Variants in KCNJ13 observed in about 807,000 individuals in gnomAD.
KCNJ13 encodes inward rectifier potassium channel 13.
In KCNJ13, 9 loss-of-function variants were observed where a neutral mutation model predicts 24.6. The observed-to-expected ratio is 0.37, with a 90% CI of 0.22 to 0.64. The LOEUF (loss-of-function observed/expected upper bound fraction) is 0.64. Ranked by LOEUF, KCNJ13 falls within the 30% of genes least tolerant of loss-of-function variation. The pLI, the probability that KCNJ13 is intolerant of heterozygous loss-of-function variation, is 0.64. For missense variants in KCNJ13, 337 were observed against 443.8 expected (o/e 0.76, Z 2.16); for synonymous variants, 148 against 154.7 (o/e 0.96, Z 0.32).
rs1018692317 is a variant in KCNJ13, at chr2:232,774,749, G to C, written c.-17+1696C>G. Among the ~76,000 whole-genome samples the C allele has an allele frequency of 4.6e-4, 70 of 152,132 alleles. 4 individuals carry two copies. Among genetic ancestry groups the C allele is most frequent in the Non-Finnish European group, 7.4e-5 (5 of 68,026 alleles). On this transcript the variant is annotated intron_variant, in intron 1 of 2. Transcript: ENST00000233826. The stretch of plus-strand genomic sequence containing the variant: ...CCACATTTGGAGCCACTGTCCTACT[G>C]AATGCTGCTAAGTGCTTAGTGTTTC...
Position 232,771,193 on chromosome 2 carries a change from A to G in KCNJ13, c.170T>C (p.Met57Thr), listed in dbSNP as rs1413398896. 1 of 1,613,638 alleles carries G rather than the reference A, an allele frequency of 6.2e-7. No individual in the cohort carries two copies. Among genetic ancestry groups the G allele is most frequent in the Non-Finnish European group, 8.5e-7 (1 of 1,179,588 alleles). ...AACAAAAGAAGCAGAAAAGACCAAC[A>G]TCATCCAACGCCAGCGCATGTCCAT... The part of the protein sequence containing the change: ...ILMDMRWRWM[M>T]LVFSASFVVH... Residue 57 changes from methionine (M) to threonine (T), a missense_variant, in exon 2 of 3, where the codon ATG becomes ACG. This residue lies in a region of KCNJ13 where 101 missense variants were observed against 139.2 expected (regional missense o/e 0.73). Transcript: ENST00000233826.
chr2:232,770,084 A>C (rs1271928770), intron 2 of KCNJ13, among the ~76,000 whole-genome samples: 1 of 152,206 alleles, frequency 6.6e-6, no homozygotes, highest in African/African-American at 2.4e-5. Context: ...TTGTATGCAA[A>C]GGACTGACCC....
intron 1 of KCNJ13, among the ~76,000 whole-genome samples, chr2:232,774,713 T>C (rs1699439166): frequency 6.6e-6 from 1 of 152,194 alleles, no homozygotes; most frequent in African/African-American, 2.4e-5. Flanking sequence ...TCCTGGACAC[T>C]AGTGCTTGTT....
Position 232,768,687 on chromosome 2 carries a change from G to A in KCNJ13, c.587C>T (p.Pro196Leu). 6.2e-7 allele frequency: 1 copy of A among 1,608,110 alleles called. No homozygotes were observed. Among genetic ancestry groups the A allele is most frequent in the Non-Finnish European group, 8.5e-7 (1 of 1,175,234 alleles). The change falls in exon 3 of 3, where the codon CCT (proline) becomes CTT (leucine). Residue 196 changes from proline to leucine, a missense_variant. By Grantham distance (98) the Pro-to-Leu change is moderately conservative. Around this residue, in one of 3 missense-constraint regions of KCNJ13, gnomAD observed 235 missense variants for 286.9 expected, o/e 0.82. Transcript: ENST00000233826. Reference sequence around the variant, plus strand: ...GACCCGGACACTGGTTAGAGGGCTAGGTCGGGTGTTGGCCACTTGGAAGAT... The same window carrying A: ...GACCCGGACACTGGTTAGAGGGCTAAGTCGGGTGTTGGCCACTTGGAAGAT... ...NLIFQVANTR[P>L]SPLTSVRVSA... is the part of the protein sequence containing the mutation.
chr2:232,767,747 AG>A lies in KCNJ13; in HGVS notation c.*443del. 1 of 171,792 alleles carries A rather than the reference AG, an allele frequency of 5.8e-6. No homozygotes were observed. Among genetic ancestry groups the A allele is most frequent in the East Asian group, 1.6e-4 (1 of 6,110 alleles). The allele number at this position is 171,792 out of a possible 1,614,324, so 10.6% of individuals were successfully genotyped here. On this transcript the variant is annotated 3_prime_UTR_variant, in exon 3 of 3. Transcript: ENST00000233826. ...TCTTGAAAAAAATCCCAGCTCTTAA[AG>A]GATATTCACTAAGTATAGTGAAGTC...
chr2:232,772,161 A>T (rs1374039981), intron 1 of KCNJ13, among the ~76,000 whole-genome samples: 1 of 152,084 alleles, frequency 6.6e-6, no homozygotes, highest in Admixed American at 6.6e-5. Context: ...CCATCTTCCC[A>T]CTTCAGCCTT....
intron 1 of KCNJ13, among the ~76,000 whole-genome samples, chr2:232,773,327 G>A (rs994746667): frequency 6.6e-5 from 10 of 152,214 alleles, no homozygotes; most frequent in African/African-American, 2.2e-4. Context: ...TAATTCTTCA[G>A]TATCTCAACA....
In KCNJ13 at chr2:232,768,168, A is replaced by G. The variant is rs778392451; in HGVS notation, c.*23T>C. ...CTGCATAACTGGCTGGGTGTATTTA[A>G]TACATTAAAAAATGGATAAGTCTTA... On this transcript the variant is annotated 3_prime_UTR_variant, in exon 3 of 3. Transcript: ENST00000233826. 10 of 1,612,748 alleles carry G rather than the reference A, an allele frequency of 6.2e-6. 1 individual carries two copies. In the South Asian group the frequency reaches 9.9e-5, roughly 16 times the overall value.
intron 1 of KCNJ13, among the ~76,000 whole-genome samples, chr2:232,773,509 A>T (rs375562473): frequency 3.9e-5 from 6 of 152,130 alleles, no homozygotes; most frequent in Non-Finnish European, 5.9e-5. Flanking sequence ...GTGAAATAAC[A>T]GTCTTTCCAA....
intron 1 of KCNJ13, among the ~76,000 whole-genome samples, chr2:232,775,170 A>G (rs1185286564): frequency 6.6e-6 from 1 of 151,966 alleles, no homozygotes; most frequent in African/African-American, 2.4e-5. Flanking sequence ...TTAACCAATT[A>G]CCCTGAATAA....
Position 232,768,232 on chromosome 2 carries a change from T to C in KCNJ13, c.1042A>G (p.Ile348Val). 1 of 1,614,168 alleles carries C rather than the reference T, an allele frequency of 6.2e-7. No individual in the cohort carries two copies. Among genetic ancestry groups the C allele is most frequent in the Non-Finnish European group, 8.5e-7 (1 of 1,179,996 alleles). ...GTTTCAGAGATCTGAAAATTGTCAA[T>C]GCTTTGTCCATTGATGTGGATATCC... is the stretch of plus-strand genomic sequence containing the variant. ...DLDIHINGQSIDNFQISETGL... is the reference protein window; with the variant it reads ...DLDIHINGQSVDNFQISETGL... The change falls in exon 3 of 3, where the codon ATT becomes GTT. Residue 348 changes from isoleucine (I) to valine (V), a missense_variant. Ile to Val is a conservative substitution (Grantham distance 29, BLOSUM62 3). Coordinates refer to ENST00000233826, the MANE Select transcript of KCNJ13 (RefSeq NM_002242.4).
chr2:232,774,130 A>G (rs562415203), intron 1 of KCNJ13, among the ~76,000 whole-genome samples: 5 of 152,088 alleles, frequency 3.3e-5, no homozygotes, highest in African/African-American at 1.2e-4. Context: ...AGAAAAAAAA[A>G]AAAGAAAGAA....
rs1698971516 is a variant in KCNJ13, at chr2:232,766,571, GAA to G, written c.*1618_*1619del. 1 of 152,282 alleles carries G rather than the reference GAA, an allele frequency of 6.6e-6. No homozygotes were observed. Among genetic ancestry groups the G allele is most frequent in the South Asian group, 2.1e-4 (1 of 4,826 alleles). The allele number at this position is 152,282 out of a possible 1,614,324, so 9.4% of individuals were successfully genotyped here. ...ATGTGTTACAATAGTCTTGGGTTGG[GAA>G]AATCTGTTGGTCTGATTTCTACTTA... On this transcript the variant is annotated 3_prime_UTR_variant, in exon 3 of 3. Coordinates refer to ENST00000233826, the MANE Select transcript of KCNJ13 (RefSeq NM_002242.4).
intron 2 of KCNJ13, among the ~76,000 whole-genome samples, chr2:232,769,802 T>A (rs1465329658): frequency 6.6e-6 from 1 of 152,176 alleles, no homozygotes; most frequent in African/African-American, 2.4e-5. Context: ...ACCAAATTAT[T>A]GAAATTCAGT....
intron 2 of KCNJ13, 101 bp from the exon 3 acceptor site, chr2:232,768,914 T>C: frequency 9.6e-7 from 1 of 1,046,176 alleles, no homozygotes; most frequent in Non-Finnish European, 1.4e-6. Context: ...CATTTCTTGG[T>C]GCCATGCCTT....
chr2:232,769,402 A>G (rs1699129372), intron 2 of KCNJ13, among the ~76,000 whole-genome samples: 3 of 150,942 alleles, frequency 2.0e-5, no homozygotes, highest in Admixed American at 6.6e-5. Flanking sequence ...CTGGTGGCAC[A>G]TGCCTGTAAT....
At chr2:232,774,071 C>T (rs572516972) in intron 1 of KCNJ13, among the ~76,000 whole-genome samples, 5 of 150,756 alleles carry the variant, frequency 3.3e-5, no homozygotes, top group Non-Finnish European at 5.9e-5. Context: ...TGCTTGAGGT[C>T]GGGAATTCAA....
At chr2:232,768,912 G>T in intron 2 of KCNJ13, 99 bp from the exon 3 acceptor site, 1 of 1,065,166 alleles carries the variant, frequency 9.4e-7, no homozygotes, top group Non-Finnish European at 1.4e-6. Flanking sequence ...CACATTTCTT[G>T]GTGCCATGCC....
In KCNJ13 at chr2:232,767,763, A is replaced by G. The variant is rs1336724756; in HGVS notation, c.*428T>C. 1.4e-5 allele frequency: 3 copies of G among 220,244 alleles called. No homozygotes were observed. The highest frequency in any genetic ancestry group is 7.0e-5 in the African/African-American group (3 of 42,568). The allele number at this position is 220,244 out of a possible 1,614,324, so 13.6% of individuals were successfully genotyped here. On this transcript the variant is annotated 3_prime_UTR_variant, in exon 3 of 3. Transcript: ENST00000233826. ...AGCTCTTAAAGGATATTCACTAAGT[A>G]TAGTGAAGTCGTCATTCCACCCAGG... is the stretch of plus-strand genomic sequence containing the variant.
Sources: allele counts gnomAD v4.1 joint callset (sites outside exome capture counted in the v4.1 genomes callset), GRCh38; gene constraint gnomAD v4.1.1; regional missense constraint gnomAD v4.1.1; transcripts MANE v1.5; gene names NCBI Gene and HGNC (gene_info 2026-07-23, HGNC 2026-07-21).